Variants in EGF observed in about 807,000 individuals in gnomAD.
EGF encodes the protein pro-epidermal growth factor.
A neutral mutation model predicts 143.8 loss-of-function variants in EGF; 95 were observed. That is an observed-to-expected ratio of 0.66 (90% confidence interval 0.56 to 0.78). EGF has a LOEUF of 0.78. Ranked by LOEUF, EGF falls within the 30% of genes least tolerant of loss-of-function variation. The pLI, the probability that EGF is intolerant of heterozygous loss-of-function variation, is 0.00. For missense variants in EGF, 1,320 were observed against 1,470.9 expected (o/e 0.90, Z 1.68); for synonymous variants, 510 against 510.5 (o/e 1.00, Z 0.01).
intron 9 of EGF, among the ~76,000 whole-genome samples, chr4:109,963,809 A>G (rs1398265762): frequency 6.6e-6 from 1 of 152,174 alleles, no homozygotes; most frequent in Non-Finnish European, 1.5e-5. Context: ...ATATCTCCTG[A>G]AGGTTCATTA....
intron 16 of EGF, among the ~76,000 whole-genome samples, chr4:109,985,494 C>T (rs551975615): frequency 2.4e-4 from 36 of 152,234 alleles, no homozygotes; most frequent in South Asian, 6.2e-4. Flanking sequence ...CTCTTGCCTT[C>T]GGCTTTCTGT....
At chr4:109,959,668 T>C (rs908330170) in intron 6 of EGF, among the ~76,000 whole-genome samples, 2 of 152,196 alleles carry the variant, frequency 1.3e-5, no homozygotes, top group Non-Finnish European at 1.5e-5. Context: ...CTTGTGTTTC[T>C]AGATCAAACA....
chr4:109,962,095 T>G, intron 8 of EGF, 110 bp downstream of exon 8: 1 of 1,514,832 alleles, frequency 6.6e-7, no homozygotes, highest in Non-Finnish European at 9.1e-7. Context: ...TCCAATATTG[T>G]ATACTGAAAG....
chr4:109,969,158 G>C, intron 11 of EGF, 39 bp downstream of exon 11: 1 of 1,613,390 alleles, frequency 6.2e-7, no homozygotes, highest in Non-Finnish European at 8.5e-7. Flanking sequence ...TGTGAGATGG[G>C]AGTGATGGGA....
intron 20 of EGF, among the ~76,000 whole-genome samples, chr4:109,998,376 G>A (rs751235081): frequency 6.6e-6 from 1 of 152,182 alleles, no homozygotes; most frequent in Non-Finnish European, 1.5e-5. Context: ...GGTGAATAGA[G>A]CATAAAACTC....
chr4:110,011,384 C>G lies in EGF; in HGVS notation c.3553C>G (p.Leu1185Val), dbSNP rs1277319752. The G allele has an allele frequency of 6.8e-6, 11 of 1,614,074 alleles. No homozygotes were observed. Among genetic ancestry groups the G allele is most frequent in the Non-Finnish European group, 9.3e-6 (11 of 1,180,038 alleles). ...AGGGGGTGTCGAGAAGCCCCATTCT[C>G]TCCTATCAGCTAACCCATTATGGCA... ...LEGGVEKPHS[L>V]LSANPLWQQR... The change falls in exon 24 of 24, where the codon CTC (leucine) becomes GTC (valine). Residue 1185 changes from leucine to valine, a missense_variant. This residue lies in a region of EGF where 1,186 missense variants were observed against 1,313.7 expected (regional missense o/e 0.90). Transcript: ENST00000265171.
intron 20 of EGF, among the ~76,000 whole-genome samples, chr4:109,996,496 C>A (rs1202812593): frequency 6.6e-6 from 1 of 152,206 alleles, no homozygotes; most frequent in African/African-American, 2.4e-5. Context: ...GTTTAATTAA[C>A]TATTCAACCC....
At chr4:109,935,708 A>G (rs760635196) in intron 1 of EGF, among the ~76,000 whole-genome samples, 3 of 152,154 alleles carry the variant, frequency 2.0e-5, no homozygotes, top group Non-Finnish European at 4.4e-5. Context: ...AGTAGCTTTT[A>G]TTATTTTGAG....
At chr4:109,933,025 G>T (rs1740065688) in intron 1 of EGF, among the ~76,000 whole-genome samples, 2 of 152,134 alleles carry the variant, frequency 1.3e-5, no homozygotes, top group African/African-American at 4.8e-5. Flanking sequence ...CTTGTTTCTG[G>T]CAAAAAGCAA....
rs768794750 is a variant in EGF at position 109,964,679 on chromosome 4, T to C, written c.1575+142T>C. Reference sequence around the variant, plus strand: ...GCACAGAACAAGTTAAATATAGATATTGGAGTAACACTTGAGAAATTTTAA... The same window carrying C: ...GCACAGAACAAGTTAAATATAGATACTGGAGTAACACTTGAGAAATTTTAA... On this transcript the variant is annotated intron_variant, in intron 10 of 23. Transcript: ENST00000265171. 14 of 1,251,136 alleles carry C rather than the reference T, an allele frequency of 1.1e-5. No homozygotes were observed. The Admixed American group carries it at 2.2e-4, about 20-fold the overall frequency. 77.5% of individuals were successfully genotyped at this position (1,251,136 alleles called of 1,614,324 possible). A position where few individuals can be genotyped will look rare whatever the true frequency, so the allele number is the denominator to read the frequency against.
chr4:109,993,002 C>T (rs550752467), intron 18 of EGF, among the ~76,000 whole-genome samples: 62 of 149,800 alleles, frequency 4.1e-4, no homozygotes, highest in African/African-American at 9.1e-4. Flanking sequence ...AAATAAATGA[C>T]GAGTTAATGG....
At chr4:109,959,195 A>G (rs1745280962) in intron 5 of EGF, 117 bp from the exon 6 acceptor site, 3 of 1,513,726 alleles carry the variant, frequency 2.0e-6, no homozygotes, top group Non-Finnish European at 2.7e-6. Context: ...TGCCTCCGTG[A>G]GAGATGCAGC....
chr4:109,945,438 G>C (rs1299194263), intron 5 of EGF, among the ~76,000 whole-genome samples, 163 bp downstream of exon 5: 1 of 151,826 alleles, frequency 6.6e-6, no homozygotes, highest in East Asian at 1.9e-4. Flanking sequence ...AGATTAACAA[G>C]AAAAAAACAA....
At chr4:109,936,897 C>T (rs564441168) in intron 1 of EGF, among the ~76,000 whole-genome samples, 6 of 152,246 alleles carry the variant, frequency 3.9e-5, no homozygotes, top group African/African-American at 1.4e-4. Flanking sequence ...GGACTGTGGT[C>T]TGAGAGACTG....
intron 19 of EGF, 146 bp downstream of exon 19, chr4:109,993,515 G>T: frequency 8.8e-7 from 1 of 1,132,876 alleles, no homozygotes; most frequent in South Asian, 1.6e-5. Flanking sequence ...GACGATGCTG[G>T]GCTTGAGAAT....
chr4:109,949,675 T>A (rs1009200706), intron 5 of EGF, among the ~76,000 whole-genome samples: 1 of 151,668 alleles, frequency 6.6e-6, no homozygotes. Context: ...TCAGGCATAA[T>A]GAGCGTCAAG....
At chr4:109,998,134 T>C (rs1261072016) in intron 20 of EGF, among the ~76,000 whole-genome samples, 1 of 152,192 alleles carries the variant, frequency 6.6e-6, no homozygotes. Context: ...GCTAAGGGAC[T>C]GACATATTCC....
rs897219794 is a variant in EGF at position 109,961,950 on chromosome 4, G to A, written c.1277G>A (p.Gly426Asp). ...GGTCCCTTATGTTTCTGTCCTGAAG[G>A]CTCAGTGCTTGAGAGAGATGGGAAA... is the stretch of plus-strand genomic sequence containing the variant. ...SEGPLCFCPE[G>D]SVLERDGKTC... The change falls in exon 8 of 24, where the codon GGC becomes GAC. Residue 426 changes from glycine to aspartate, a missense_variant. This residue lies in a region of EGF where 1,186 missense variants were observed against 1,313.7 expected (regional missense o/e 0.90). Transcript: ENST00000265171. 6.2e-7 allele frequency: 1 copy of A among 1,613,780 alleles called. No individual in the cohort carries two copies. The highest frequency in any genetic ancestry group is 1.1e-5 in the South Asian group (1 of 91,092).
intron 23 of EGF, among the ~76,000 whole-genome samples, chr4:110,010,451 T>A (rs568575584): frequency 6.6e-6 from 1 of 152,262 alleles, no homozygotes; most frequent in South Asian, 2.1e-4. Flanking sequence ...ACTATTTTAA[T>A]TTTTAAAAAA....
Sources: gnomAD v4.1 joint callset for allele counts (sites outside exome capture counted in the v4.1 genomes callset) on GRCh38, gnomAD v4.1.1 for gene constraint, gnomAD v4.1.1 regional missense constraint, MANE v1.5 for transcripts, NCBI Gene and HGNC (gene_info 2026-07-23, HGNC 2026-07-21) for gene names.